Variants in RAB11FIP3 observed in about 807,000 individuals in gnomAD.
The protein encoded by RAB11FIP3 is rab11 family-interacting protein 3.
In RAB11FIP3, 17 loss-of-function variants were observed where a neutral mutation model predicts 77.8. That is an observed-to-expected ratio of 0.22 (90% CI 0.15 to 0.33). RAB11FIP3 has a LOEUF of 0.33. Ranked by LOEUF, RAB11FIP3 falls within the 10% of genes least tolerant of loss-of-function variation. The probability of loss-of-function intolerance (pLI) is 1.00; values close to 1 mark genes in which losing one functional copy is unlikely to be tolerated. For missense variants in RAB11FIP3, 1,005 were observed against 1,011.2 expected (o/e 0.99, Z 0.08); for synonymous variants, 437 against 448.2 (o/e 0.98, Z 0.31).
intron 9 of RAB11FIP3, among the ~76,000 whole-genome samples, chr16:511,795 C>T (rs1304316749): frequency 1.8e-5 from 2 of 111,702 alleles, no homozygotes; most frequent in Non-Finnish European, 3.6e-5. Flanking sequence ...ACGGCCCGCC[C>T]ACCCCAGAAA....
intron 10 of RAB11FIP3, among the ~76,000 whole-genome samples, chr16:519,278 A>G (rs1332870531): frequency 6.6e-6 from 1 of 152,246 alleles, no homozygotes; most frequent in Non-Finnish European, 1.5e-5. Flanking sequence ...GGAAGGCATC[A>G]GCCAGCCACT....
intron 9 of RAB11FIP3, among the ~76,000 whole-genome samples, chr16:515,768 G>A (rs115490642): frequency 0.023 from 3,488 of 152,262 alleles, 141 homozygotes; most frequent in African/African-American, 0.079. Flanking sequence ...CAGCCACACG[G>A]CCGACACGGA....
intron 1 of RAB11FIP3, among the ~76,000 whole-genome samples, chr16:450,908 C>T (rs1234172165): frequency 2.1e-5 from 3 of 144,724 alleles, no homozygotes; most frequent in Non-Finnish European, 4.5e-5. Context: ...CCTGCTTCTC[C>T]AGGGACCAGA....
At position 520,577 on chromosome 16, in the gene RAB11FIP3, T is replaced by C; in HGVS notation, c.2135T>C (p.Ile712Thr). Residue 712 changes from isoleucine to threonine, a missense_variant, in exon 13 of 14, where the codon ATC (isoleucine) becomes ACC (threonine). Ile to Thr is a moderately conservative substitution (Grantham distance 89, BLOSUM62 -1). Transcript: ENST00000262305. ...TAFSESLAAE[I>T]SSVSRDELME... Reference sequence around the variant, plus strand: ...TTCTCTGAGTCCCTGGCTGCAGAGATCAGCTCCGTCTCCCGAGATGAGGTA... The same window carrying C: ...TTCTCTGAGTCCCTGGCTGCAGAGACCAGCTCCGTCTCCCGAGATGAGGTA... 1 of 1,613,512 alleles carries C rather than the reference T, an allele frequency of 6.2e-7. No homozygotes were observed.
In RAB11FIP3 at chr16:514,943, G is replaced by A. The variant is rs563319716; in HGVS notation, c.1641-4000G>A. On this transcript the variant is annotated intron_variant, in intron 9 of 13. Transcript: ENST00000262305. This position sits in a 1 kb window ranked among gnomAD's most constrained non-coding sequence, Gnocchi z 4.6. ...GCTTTCTAGCAGCACGTGAGCCAAG[G>A]AAGCCCAGGGAAGCCTTCGCTTGTG... 6.6e-6 allele frequency among the ~76,000 whole-genome samples: 1 copy of A among 152,348 alleles called. No homozygotes were observed. Among genetic ancestry groups the A allele is most frequent in the East Asian group, 1.9e-4 (1 of 5,186 alleles).
Position 435,485 on chromosome 16 carries a change from TAA to T in RAB11FIP3, c.714+8766_714+8767del, listed in dbSNP as rs1288380042. On this transcript the variant is annotated intron_variant, in intron 1 of 13. Transcript: ENST00000262305. ...CCAAATTTACTTAGATTAGCACTTCTAAGTTATTATGATAGAGTGATGTACTA... is the reference window on the plus strand; with the variant it reads ...CCAAATTTACTTAGATTAGCACTTCTGTTATTATGATAGAGTGATGTACTA... 2.0e-5 allele frequency among the ~76,000 whole-genome samples: 3 copies of T among 152,358 alleles called. No individual in the cohort carries two copies. In the East Asian group the frequency reaches 5.8e-4, roughly 29 times the overall value.
chr16:469,844 C>T (rs1016959441), intron 2 of RAB11FIP3, among the ~76,000 whole-genome samples: 1 of 151,278 alleles, frequency 6.6e-6, no homozygotes, highest in East Asian at 2.0e-4. Context: ...CTTTTTTCTT[C>T]GAGACAGGGT....
chr16:449,646 C>CAA (rs34916740), intron 1 of RAB11FIP3, among the ~76,000 whole-genome samples: 302 of 121,558 alleles, frequency 2.5e-3, no homozygotes, highest in African/African-American at 5.3e-3. Context: ...GACCCTATCT[C>CAA]AAAAAAAAAA....
At chr16:494,673 G>C (rs2030941999) in intron 5 of RAB11FIP3, among the ~76,000 whole-genome samples, 1 of 152,126 alleles carries the variant, frequency 6.6e-6, no homozygotes, top group South Asian at 2.1e-4. Flanking sequence ...AGTCGAGAAA[G>C]GAGAGCCACA....
At chr16:510,098 C>T (rs1206266542) in intron 8 of RAB11FIP3, among the ~76,000 whole-genome samples, 3 of 146,884 alleles carry the variant, frequency 2.0e-5, no homozygotes, top group African/African-American at 5.1e-5. Context: ...CTCCACGCCC[C>T]GTCCCGAGTC....
chr16:481,356 C>T (rs1169160257), intron 3 of RAB11FIP3, among the ~76,000 whole-genome samples: 2 of 151,924 alleles, frequency 1.3e-5, no homozygotes. Flanking sequence ...ACTAGAAATA[C>T]AAAACTTAGC....
chr16:498,237 A>C (rs1273000498), intron 6 of RAB11FIP3, among the ~76,000 whole-genome samples: 1 of 152,148 alleles, frequency 6.6e-6, no homozygotes, highest in Non-Finnish European at 1.5e-5. Context: ...ACCGTGGTGC[A>C]ATCACAGCTC....
chr16:503,007 C>T lies in RAB11FIP3; in HGVS notation c.1305C>T (p.Tyr435=), dbSNP rs1197154178. Reference sequence around the variant, plus strand: ...TGTTGTTGTGCCTTTTCTGTAGGTACCTGCACCAGTCAGGGGCCCTGACCA... The same window carrying T: ...TGTTGTTGTGCCTTTTCTGTAGGTATCTGCACCAGTCAGGGGCCCTGACCA... ...KRLSSKKVAR[Y]LHQSGALTME... is the part of the protein sequence containing the mutation. Residue 435 remains tyrosine (Y), a synonymous_variant, in exon 7 of 14, where the codon TAC becomes TAT. Transcript: ENST00000262305. 6.2e-7 allele frequency: 1 copy of T among 1,610,606 alleles called. No homozygotes were observed. Among genetic ancestry groups the T allele is most frequent in the African/African-American group, 1.3e-5 (1 of 74,844 alleles).
chr16:519,922 C>T, intron 11 of RAB11FIP3, 31 bp downstream of exon 11: 1 of 1,549,936 alleles, frequency 6.5e-7, no homozygotes, highest in East Asian at 2.4e-5. Flanking sequence ...ACGCCCAGTC[C>T]TGCGCCCAGC....
chr16:512,676 T>C (rs2032240723), intron 9 of RAB11FIP3, among the ~76,000 whole-genome samples: 1 of 151,724 alleles, frequency 6.6e-6, no homozygotes, highest in Non-Finnish European at 1.5e-5. Context: ...CCCTGGTAGC[T>C]GGGGCTAGAG....
At chr16:438,265 G>C (rs1372155830) in intron 1 of RAB11FIP3, among the ~76,000 whole-genome samples, 1 of 150,564 alleles carries the variant, frequency 6.6e-6, no homozygotes, top group Non-Finnish European at 1.5e-5. Context: ...GTACCACCAT[G>C]CCCGGCTACT....
At chr16:491,150 G>T (rs764164033) in intron 5 of RAB11FIP3, 1 of 1,302,294 alleles carries the variant, frequency 7.7e-7, no homozygotes, top group South Asian at 1.2e-5. Flanking sequence ...CCCTCTTGCC[G>T]CAAAGCTGCA....
At chr16:481,134 T>C (rs1434044953) in intron 3 of RAB11FIP3, among the ~76,000 whole-genome samples, 3 of 151,394 alleles carry the variant, frequency 2.0e-5, no homozygotes, top group Non-Finnish European at 4.4e-5. Context: ...AATTAATTAA[T>C]TTTTTTGAGA....
At position 482,510 on chromosome 16, in the gene RAB11FIP3, C is replaced by T. The variant is rs375837785; in HGVS notation, c.904-15C>T. 5.5e-5 allele frequency: 88 copies of T among 1,612,134 alleles called. No homozygotes were observed. The highest frequency in any genetic ancestry group is 6.9e-5 in the Non-Finnish European group (81 of 1,179,070). On this transcript the variant is annotated splice_polypyrimidine_tract_variant and intron_variant, in intron 3 of 13. Coordinates refer to ENST00000262305, the MANE Select transcript of RAB11FIP3 (RefSeq NM_014700.4). The stretch of plus-strand genomic sequence containing the variant: ...CCAGCTTGTGCCCGCTGACTGCTGG[C>T]GCACTCTCTCCTAGGCCAACGAGGT...
Sources: gnomAD v4.1 joint callset for allele counts (sites outside exome capture counted in the v4.1 genomes callset) on GRCh38, gnomAD v4.1.1 for gene constraint, Gnocchi (gnomAD v3.1) non-coding constraint, MANE v1.5 for transcripts, NCBI Gene and HGNC (gene_info 2026-07-23, HGNC 2026-07-21) for gene names.